Variants in SPICE1 observed in about 807,000 individuals in gnomAD.
SPICE1 encodes spindle and centriole-associated protein 1.
SPICE1 carries 75 observed loss-of-function variants against 102.7 expected under a neutral mutation model. The ratio of observed to expected loss-of-function variants is 0.73; its 90% confidence interval spans 0.61 to 0.88. SPICE1 has a LOEUF of 0.88. Ranked by LOEUF, SPICE1 falls within the 40% of genes least tolerant of loss-of-function variation. The probability of loss-of-function intolerance (pLI) is 0.00; values close to 1 mark genes in which losing one functional copy is unlikely to be tolerated. For missense variants in SPICE1, 979 were observed against 1,020.1 expected (o/e 0.96, Z 0.55); for synonymous variants, 308 against 350.3 (o/e 0.88, Z 1.35).
chr3:113,464,696 A>G (rs1053722273), intron 11 of SPICE1, among the ~76,000 whole-genome samples: 3 of 152,230 alleles, frequency 2.0e-5, no homozygotes, highest in African/African-American at 7.2e-5. Context: ...AGAACAAAAA[A>G]GATGAATAAA....
chr3:113,493,245 G>A lies in SPICE1; in HGVS notation c.453C>T (p.Ile151=). ...QGPIVVNQDP[I]TQSIFNESVI... Reference sequence around the variant, plus strand: ...CAGACTCATTAAAGATAGATTGGGTGATAGGGTCTTGATTTACCACAATGG... The same window carrying A: ...CAGACTCATTAAAGATAGATTGGGTAATAGGGTCTTGATTTACCACAATGG... Residue 151 remains isoleucine (I), a synonymous_variant, in exon 6 of 18, where the codon ATC becomes ATT. Coordinates refer to ENST00000295872, the MANE Select transcript of SPICE1 (RefSeq NM_144718.4). The A allele has an allele frequency of 6.2e-7, 1 of 1,612,682 alleles. No homozygotes were observed. Among genetic ancestry groups the A allele is most frequent in the Non-Finnish European group, 8.5e-7 (1 of 1,179,398 alleles).
At chr3:113,481,415 GT>G (rs201614411) in intron 7 of SPICE1, among the ~76,000 whole-genome samples, 18 of 146,852 alleles carry the variant, frequency 1.2e-4, no homozygotes, top group South Asian at 4.3e-4. Flanking sequence ...TTTTTTTCTA[GT>G]TTTTTTTTTA....
intron 7 of SPICE1, among the ~76,000 whole-genome samples, chr3:113,485,181 T>TG (rs976180588): frequency 3.3e-5 from 5 of 151,372 alleles, no homozygotes; most frequent in African/African-American, 1.2e-4. Flanking sequence ...TGTTTGTTTT[T>TG]TTTTTTTTTT....
chr3:113,465,884 ATATAT>A (rs1256747188), intron 10 of SPICE1, 100 bp from the exon 11 acceptor site: 3 of 1,139,074 alleles, frequency 2.6e-6, no homozygotes, highest in African/African-American at 3.1e-5. Context: ...ACAAAGAAGC[ATATAT>A]TATGTGACAG....
rs77932062 is a variant in SPICE1 at position 113,502,852 on chromosome 3, G to C, written c.147+328C>G. ...TTACACTGACTAGAACAATATGTTT[G>C]TATAGGGAAGTAATAAATAATGCTG... On this transcript the variant is annotated intron_variant, in intron 3 of 17. Transcript: ENST00000295872. Among the ~76,000 whole-genome samples the C allele has an allele frequency of 8.4e-3, 1,282 of 152,162 alleles. 24 individuals carry two copies. Among genetic ancestry groups the C allele is most frequent in the African/African-American group, 0.029 (1,211 of 41,510 alleles).
chr3:113,511,606 T>C (rs540473171), intron 1 of SPICE1, among the ~76,000 whole-genome samples: 9 of 152,110 alleles, frequency 5.9e-5, no homozygotes, highest in African/African-American at 1.9e-4. Flanking sequence ...CTGGGGCCTG[T>C]CAGATGGCAG....
At chr3:113,481,368 T>A (rs972949637) in intron 7 of SPICE1, among the ~76,000 whole-genome samples, 1 of 151,786 alleles carries the variant, frequency 6.6e-6, no homozygotes, top group Non-Finnish European at 1.5e-5. Context: ...ATGAGAGAAA[T>A]GTTAAGACGC....
Position 113,453,724 on chromosome 3 carries a change from G to T in SPICE1, c.1884C>A (p.Leu628=). ...QAPFVNLSQP[L]CNSHSNTQQS... ...GTTGAGTGTTGGAATGGGAATTGCAGAGGGGCTGTGAGAGGTTAACAAAAG... is the reference window on the plus strand; with the variant it reads ...GTTGAGTGTTGGAATGGGAATTGCATAGGGGCTGTGAGAGGTTAACAAAAG... Residue 628 remains leucine, a synonymous_variant, in exon 14 of 18, where the codon CTC becomes CTA. Coordinates refer to ENST00000295872, the MANE Select transcript of SPICE1 (RefSeq NM_144718.4). The T allele has an allele frequency of 1.9e-6, 3 of 1,614,164 alleles. No individual in the cohort carries two copies. Among genetic ancestry groups the T allele is most frequent in the Non-Finnish European group, 2.5e-6 (3 of 1,180,032 alleles).
chr3:113,506,293 G>C (rs1937110895), intron 2 of SPICE1, among the ~76,000 whole-genome samples: 1 of 152,146 alleles, frequency 6.6e-6, no homozygotes, highest in South Asian at 2.1e-4. Flanking sequence ...AGAGGATATA[G>C]AGGTTACAGC....
At chr3:113,513,730 C>T (rs537759242) in intron 1 of SPICE1, among the ~76,000 whole-genome samples, 2 of 152,310 alleles carry the variant, frequency 1.3e-5, no homozygotes, top group East Asian at 1.9e-4. Flanking sequence ...TCCATCTCTA[C>T]TAAAAATATT....
chr3:113,448,281 G>T, intron 15 of SPICE1, 141 bp from the exon 16 acceptor site: 2 of 632,254 alleles, frequency 3.2e-6, no homozygotes, highest in Admixed American at 3.6e-5. Flanking sequence ...AGATACACTT[G>T]AAAGACTTTT....
intron 7 of SPICE1, among the ~76,000 whole-genome samples, chr3:113,487,342 G>A (rs559346701): frequency 3.8e-4 from 58 of 152,116 alleles, no homozygotes; most frequent in Non-Finnish European, 6.3e-4. Flanking sequence ...ATTGGACTTA[G>A]AGGTATCACT....
intron 1 of SPICE1, among the ~76,000 whole-genome samples, chr3:113,512,323 C>T (rs1225712961): frequency 1.3e-5 from 2 of 151,960 alleles, no homozygotes; most frequent in Non-Finnish European, 2.9e-5. Flanking sequence ...ACTTTAGCAC[C>T]TGTATTTACT....
chr3:113,448,844 T>G (rs1224614553), intron 15 of SPICE1: 2 of 152,186 alleles, frequency 1.3e-5, no homozygotes, highest in South Asian at 4.1e-4. Flanking sequence ...TCATGATATA[T>G]GGTTTATTTT....
intron 1 of SPICE1, among the ~76,000 whole-genome samples, chr3:113,513,881 T>C (rs1937269308): frequency 6.6e-6 from 1 of 152,196 alleles, no homozygotes; most frequent in African/African-American, 2.4e-5. Context: ...AGTAGAATAG[T>C]CTATGCCCTT....
intron 7 of SPICE1, among the ~76,000 whole-genome samples, chr3:113,483,849 G>A (rs548608693): frequency 6.6e-6 from 1 of 152,156 alleles, no homozygotes; most frequent in Non-Finnish European, 1.5e-5. Context: ...TTTTTTTGTT[G>A]TGTCTCTGCC....
chr3:113,450,185 C>G (rs1380219697), intron 15 of SPICE1, 151 bp downstream of exon 15: 6 of 723,704 alleles, frequency 8.3e-6, no homozygotes, highest in Non-Finnish European at 1.4e-5. Context: ...TGTCACTTAT[C>G]CTGTGAGTTA....
At chr3:113,465,982 A>G (rs1179960127) in intron 10 of SPICE1, among the ~76,000 whole-genome samples, 198 bp from the exon 11 acceptor site, 1 of 152,252 alleles carries the variant, frequency 6.6e-6, no homozygotes, top group Non-Finnish European at 1.5e-5. Context: ...TTCTTTAAAT[A>G]GAATAAAATG....
At chr3:113,475,050 A>G (rs6793704) in intron 7 of SPICE1, among the ~76,000 whole-genome samples, 48,500 of 151,954 alleles carry the variant, frequency 0.32, 9,132 homozygotes, top group African/African-American at 0.53. Flanking sequence ...GATTAATAAA[A>G]AAGAAAAGAA....
Sources: gnomAD v4.1 joint callset for allele counts (sites outside exome capture counted in the v4.1 genomes callset) on GRCh38, gnomAD v4.1.1 for gene constraint, MANE v1.5 for transcripts, NCBI Gene and HGNC (gene_info 2026-07-23, HGNC 2026-07-21) for gene names.